The following CEP128 variants were observed in gnomAD, a reference collection of about 807,000 sequenced individuals.
CEP128 encodes the protein centrosomal protein 128kDa.
CEP128 carries 132 observed loss-of-function variants against 156.7 expected under a neutral mutation model. The observed-to-expected ratio is 0.84, with a 90% CI of 0.73 to 0.97. The LOEUF is 0.97. Among genes scored for constraint, CEP128 ranks in the 50% least tolerant of loss-of-function variants. The pLI is 0.00. For missense variants in CEP128, 1,252 were observed against 1,281.9 expected, an observed-to-expected ratio of 0.98 and a Z score of 0.36; for synonymous variants, 469 against 448.9, an observed-to-expected ratio of 1.04 and a Z score of -0.57.
At chr14:80,716,125 T>C (rs1432565324) in intron 19 of CEP128, among the ~76,000 whole-genome samples, 3 of 152,196 alleles carry the variant, frequency 2.0e-5, no homozygotes, top group Non-Finnish European at 4.4e-5. Flanking sequence ...AAAATATATT[T>C]TATTAAGTTG....
At chr14:80,544,123 AAGCTGACCAGATTC>A (rs1237158864) in intron 21 of CEP128, among the ~76,000 whole-genome samples, 1 of 152,184 alleles carries the variant, frequency 6.6e-6, no homozygotes, top group Admixed American at 6.6e-5. Context: ...TATTCTGCTA[AAGCTGACCAGATTC>A]AGCTCAAGAA....
At chr14:80,836,171 A>T (rs941222100) in intron 12 of CEP128, 34 bp downstream of exon 12, 1 of 1,607,980 alleles carries the variant, frequency 6.2e-7, no homozygotes, top group Non-Finnish European at 8.5e-7. Flanking sequence ...CCCCACACAC[A>T]TTATCACATT....
At chr14:80,900,141 T>A in intron 6 of CEP128, 112 bp from the exon 7 acceptor site, 1 of 636,118 alleles carries the variant, frequency 1.6e-6, no homozygotes, top group Non-Finnish European at 2.6e-6. Context: ...CCAGATTCCG[T>A]AATATTATTA....
intron 19 of CEP128, among the ~76,000 whole-genome samples, chr14:80,688,246 A>G (rs1030105655): frequency 5.9e-5 from 9 of 152,140 alleles, no homozygotes; most frequent in African/African-American, 2.2e-4. Flanking sequence ...TTCCCAGATG[A>G]TAGTAACTCC....
intron 19 of CEP128, among the ~76,000 whole-genome samples, chr14:80,652,409 C>G (rs1452898233): frequency 6.6e-6 from 1 of 152,010 alleles, no homozygotes; most frequent in Non-Finnish European, 1.5e-5. Context: ...AACAGGCAAC[C>G]TACAGAATAA....
intron 19 of CEP128, among the ~76,000 whole-genome samples, chr14:80,738,091 T>C (rs1482867550): frequency 6.6e-6 from 1 of 152,188 alleles, no homozygotes; most frequent in African/African-American, 2.4e-5. Flanking sequence ...CTAAATTATT[T>C]CTTCAGTAAG....
At chr14:80,694,752 G>C (rs984809193) in intron 19 of CEP128, among the ~76,000 whole-genome samples, 10 of 151,634 alleles carry the variant, frequency 6.6e-5, no homozygotes, top group Non-Finnish European at 1.3e-4. Flanking sequence ...CCTGTCAGGG[G>C]GTAGGGGGCA....
chr14:80,680,535 C>A (rs74537504), intron 19 of CEP128, among the ~76,000 whole-genome samples: 2 of 152,106 alleles, frequency 1.3e-5, no homozygotes, highest in Non-Finnish European at 2.9e-5. Context: ...CTGCTCCACA[C>A]GCAGACAAAT....
chr14:80,539,472 T>C (rs866964240), intron 21 of CEP128, among the ~76,000 whole-genome samples: 2 of 152,206 alleles, frequency 1.3e-5, no homozygotes, highest in African/African-American at 4.8e-5. Context: ...AATAATACTC[T>C]TATAATTTAT....
At chr14:80,625,563 A>G (rs1893677388) in intron 19 of CEP128, among the ~76,000 whole-genome samples, 1 of 152,156 alleles carries the variant, frequency 6.6e-6, no homozygotes, top group Admixed American at 6.5e-5. Context: ...TCATTTAAAA[A>G]TATCAATTCT....
chr14:80,807,581 G>A (rs576214009), intron 13 of CEP128, among the ~76,000 whole-genome samples: 1 of 152,310 alleles, frequency 6.6e-6, no homozygotes, highest in East Asian at 1.9e-4. Flanking sequence ...ACAGAAAAAG[G>A]GTAAGTGAGA....
At chr14:80,578,343 A>G (rs950693844) in intron 20 of CEP128, among the ~76,000 whole-genome samples, 17 of 152,160 alleles carry the variant, frequency 1.1e-4, no homozygotes, top group Non-Finnish European at 4.4e-5. Flanking sequence ...AGAGCTAAAT[A>G]AAATACCCCC....
At chr14:80,805,132 A>G (rs1036275804) in intron 13 of CEP128, among the ~76,000 whole-genome samples, 1 of 151,968 alleles carries the variant, frequency 6.6e-6, no homozygotes, top group African/African-American at 2.4e-5. Flanking sequence ...GATAAACCTC[A>G]AGGTTTATCC....
chr14:80,944,029 G>A (rs1886267865), upstream of CEP128, among the ~76,000 whole-genome samples: 1 of 150,660 alleles, frequency 6.6e-6, no homozygotes, highest in South Asian at 2.1e-4. Context: ...TCACATCACT[G>A]AATCTTTGTT....
At chr14:80,857,937 C>T (rs1887286185) in intron 9 of CEP128, among the ~76,000 whole-genome samples, 1 of 152,098 alleles carries the variant, frequency 6.6e-6, no homozygotes, top group South Asian at 2.1e-4. Flanking sequence ...GTATGAAGGT[C>T]CTTACCAAAT....
chr14:80,904,897 C>T lies in CEP128; in HGVS notation c.396G>A (p.Lys132=), dbSNP rs1883795181. The T allele has an allele frequency of 6.2e-7, 1 of 1,611,316 alleles. No individual in the cohort carries two copies. The highest frequency in any genetic ancestry group is 8.5e-7 in the Non-Finnish European group (1 of 1,177,526). Reference sequence around the variant, plus strand: ...TAATACCCTGTGGATCCCCATAGTCCTTGAGAGGTGAGGTAGGTGGAAAAT... The same window carrying T: ...TAATACCCTGTGGATCCCCATAGTCTTTGAGAGGTGAGGTAGGTGGAAAAT... ...LHHFPPTSPL[K]DYGDPQGIKR... The change falls in exon 6 of 25, where the codon AAG becomes AAA. Residue 132 remains lysine, a synonymous_variant. Transcript: ENST00000555265.
At chr14:80,854,468 T>C (rs1374321108) in intron 9 of CEP128, among the ~76,000 whole-genome samples, 1 of 152,182 alleles carries the variant, frequency 6.6e-6, no homozygotes, top group Admixed American at 6.5e-5. Flanking sequence ...ATATATAGTC[T>C]ATATACATCA....
In CEP128 at chr14:80,580,234, C is replaced by A. The variant is rs963288308; in HGVS notation, c.2856+140G>T. 5 of 536,730 alleles carry A rather than the reference C, an allele frequency of 9.3e-6. No homozygotes were observed. The African/African-American group carries it at 9.4e-5, about 10-fold the overall frequency. The allele number at this position is 536,730 out of a possible 1,614,324, so 33.2% of individuals were successfully genotyped here. ...TGCTCTCAGAGACTTCTAAAGGAAG[C>A]AAATTCCAACTTTATAGTTCTGACA... On this transcript the variant is annotated intron_variant, in intron 20 of 24. Transcript: ENST00000555265.
chr14:80,722,778 G>A (rs184145140), intron 19 of CEP128, among the ~76,000 whole-genome samples: 105 of 151,130 alleles, frequency 6.9e-4, no homozygotes, highest in African/African-American at 2.4e-3. Flanking sequence ...GGAGGAGGAG[G>A]AGGACAGCAT....
Sources: gnomAD v4.1 joint callset for allele counts (sites outside exome capture counted in the v4.1 genomes callset) on GRCh38, gnomAD v4.1.1 for gene constraint, MANE v1.5 for transcripts, NCBI Gene and HGNC (gene_info 2026-07-23, HGNC 2026-07-21) for gene names.